The following TAF1B variants were observed in gnomAD, a reference collection of about 807,000 sequenced individuals.
TAF1B encodes TATA-box binding protein associated factor, RNA polymerase I subunit B, also known as TATA box-binding protein-associated factor RNA polymerase I subunit B.
Under a neutral mutation model 83.9 loss-of-function variants are expected in TAF1B, and 61 were observed. The ratio of observed to expected loss-of-function variants is 0.73; its 90% CI spans 0.59 to 0.90. TAF1B has a LOEUF of 0.90. TAF1B is among the 40% of genes least tolerant of loss of function. The pLI is 0.00. For synonymous variants in TAF1B, 221 were observed against 224.6 expected (o/e 0.98, Z 0.14); for missense variants, 625 against 677.0 (o/e 0.92, Z 0.85).
chr2:9,925,091 T>C (rs1307988165), intron 14 of TAF1B, among the ~76,000 whole-genome samples: 1 of 152,154 alleles, frequency 6.6e-6, no homozygotes, highest in Non-Finnish European at 1.5e-5. Flanking sequence ...CCCACAAAAA[T>C]GTGATTTTAA....
At chr2:9,923,416 C>T (rs932654385) in intron 14 of TAF1B, among the ~76,000 whole-genome samples, 10 of 152,092 alleles carry the variant, frequency 6.6e-5, no homozygotes, top group Admixed American at 3.3e-4. Flanking sequence ...CGGTGGTTCA[C>T]ACCTGTAATC....
intron 9 of TAF1B, among the ~76,000 whole-genome samples, chr2:9,906,959 C>G (rs1016484836): frequency 2.6e-5 from 4 of 152,270 alleles, no homozygotes; most frequent in South Asian, 2.1e-4. Flanking sequence ...CTTATTACAA[C>G]CTTGAACTCC....
At chr2:9,878,998 C>T (rs1664408860) in intron 7 of TAF1B, among the ~76,000 whole-genome samples, 1 of 152,176 alleles carries the variant, frequency 6.6e-6, no homozygotes, top group African/African-American at 2.4e-5. Context: ...TTACTCTGCA[C>T]CTTAAATGAA....
At chr2:9,905,748 A>G (rs1665321097) in intron 9 of TAF1B, among the ~76,000 whole-genome samples, 4 of 152,216 alleles carry the variant, frequency 2.6e-5, no homozygotes, top group Admixed American at 2.6e-4. Flanking sequence ...ATAGGAGAGT[A>G]AAATACATGT....
chr2:9,891,224 A>G (rs1012698574), intron 8 of TAF1B, among the ~76,000 whole-genome samples: 4 of 152,270 alleles, frequency 2.6e-5, no homozygotes, highest in Non-Finnish European at 4.4e-5. Flanking sequence ...ATAACTTCTT[A>G]GCACAACACA....
intron 8 of TAF1B, among the ~76,000 whole-genome samples, chr2:9,903,672 G>A (rs952937404): frequency 3.3e-5 from 5 of 152,180 alleles, no homozygotes; most frequent in Non-Finnish European, 4.4e-5. Flanking sequence ...TGGAAAGCAC[G>A]TGAATATTAT....
At chr2:9,880,454 AAAAACAAATACTTT>A (rs1452360720) in intron 7 of TAF1B, among the ~76,000 whole-genome samples, 1 of 55,500 alleles carries the variant, frequency 1.8e-5, no homozygotes, top group Non-Finnish European at 4.6e-5. Context: ...TTTTTTTTGG[AAAAACAAATACTTT>A]TCTAAAAGGA....
intron 7 of TAF1B, among the ~76,000 whole-genome samples, chr2:9,880,723 A>G (rs1054177699): frequency 2.6e-5 from 4 of 152,120 alleles, no homozygotes; most frequent in African/African-American, 9.7e-5. Context: ...TTATCTCTGC[A>G]GACTCCTAAC....
At chr2:9,872,928 G>A (rs574362291) in intron 6 of TAF1B, among the ~76,000 whole-genome samples, 9 of 152,294 alleles carry the variant, frequency 5.9e-5, no homozygotes, top group African/African-American at 2.2e-4. Flanking sequence ...TATACTTTGA[G>A]AACCACTGAT....
intron 8 of TAF1B, among the ~76,000 whole-genome samples, chr2:9,893,188 T>A (rs941764332): frequency 2.0e-5 from 3 of 152,218 alleles, no homozygotes; most frequent in African/African-American, 7.2e-5. Context: ...CAGAGTTAAC[T>A]GTTGTTAGCA....
rs114528049 is a variant in TAF1B, at chr2:9,929,777, G to A, written c.1566-4006G>A. 3.7e-3 allele frequency among the ~76,000 whole-genome samples: 569 copies of A among 152,242 alleles called. 5 individuals are homozygous for A. The highest frequency in any genetic ancestry group is 0.013 in the African/African-American group (531 of 41,542). On this transcript the variant is annotated intron_variant, in intron 14 of 14. Transcript: ENST00000263663. ...GAAGGAATGGTACCAGCTCCTTGTT[G>A]TACCTCTGATGAGTTCGGCTGTGAA...
At chr2:9,896,639 A>G (rs942972513) in intron 8 of TAF1B, among the ~76,000 whole-genome samples, 1 of 133,942 alleles carries the variant, frequency 7.5e-6, no homozygotes, top group African/African-American at 2.5e-5. Flanking sequence ...AAAAAAAAAA[A>G]AAAGCTTTAA....
intron 5 of TAF1B, among the ~76,000 whole-genome samples, chr2:9,867,741 T>TTAC (rs1293497088): frequency 6.6e-6 from 1 of 152,170 alleles, no homozygotes; most frequent in African/African-American, 2.4e-5. Flanking sequence ...TATGAGATAG[T>TTAC]ATATCCTTGT....
chr2:9,920,208 C>G (rs565271409), intron 14 of TAF1B, among the ~76,000 whole-genome samples: 86 of 152,200 alleles, frequency 5.7e-4, no homozygotes, highest in African/African-American at 1.8e-3. Flanking sequence ...CTTAAGTGAC[C>G]ACAGTACAGT....
At chr2:9,896,620 C>CAAAAAAAAAAAAAAA (rs71391108) in intron 8 of TAF1B, among the ~76,000 whole-genome samples, 1 of 66,534 alleles carries the variant, frequency 1.5e-5, no homozygotes, top group African/African-American at 5.0e-5. Flanking sequence ...ATCTAAAAAC[C>CAAAAAAAAAAAAAAA]AAAAAAAAAA....
intron 1 of TAF1B, among the ~76,000 whole-genome samples, chr2:9,844,032 A>C (rs931210767): frequency 6.6e-6 from 1 of 152,156 alleles, no homozygotes; most frequent in Non-Finnish European, 1.5e-5. Flanking sequence ...GAACTCCCCA[A>C]ATTGTCCAGC....
At chr2:9,889,481 T>G (rs1488565896) in intron 8 of TAF1B, among the ~76,000 whole-genome samples, 1 of 152,072 alleles carries the variant, frequency 6.6e-6, no homozygotes, top group East Asian at 1.9e-4. Flanking sequence ...CATTATGTTC[T>G]TGTTTTCTTT....
intron 8 of TAF1B, among the ~76,000 whole-genome samples, chr2:9,891,521 A>G (rs1371421781): frequency 6.6e-6 from 1 of 152,188 alleles, no homozygotes; most frequent in East Asian, 1.9e-4. Context: ...TGTTACTGTT[A>G]CTGGTTTATG....
chr2:9,920,760 T>C (rs1665854339), intron 14 of TAF1B, among the ~76,000 whole-genome samples: 1 of 152,238 alleles, frequency 6.6e-6, no homozygotes, highest in East Asian at 1.9e-4. Flanking sequence ...CTTGATTTCA[T>C]GTTTTATGTT....
Sources: allele counts gnomAD v4.1 joint callset (sites outside exome capture counted in the v4.1 genomes callset), GRCh38; gene constraint gnomAD v4.1.1; transcripts MANE v1.5; gene names NCBI Gene and HGNC (gene_info 2026-07-23, HGNC 2026-07-21).